Variants in SLIT1 observed in about 807,000 individuals in gnomAD.
SLIT1 encodes slit guidance ligand 1.
SLIT1 carries 66 observed loss-of-function variants against 186.1 expected under a neutral mutation model. The observed-to-expected ratio is 0.35, with a 90% CI of 0.29 to 0.44. SLIT1 has a LOEUF of 0.44. SLIT1 is among the 20% of genes least tolerant of loss of function. SLIT1 has a pLI of 1.00. For synonymous variants in SLIT1, 761 were observed against 833.8 expected (o/e 0.91, Z 1.50); for missense variants, 1,638 against 2,037.4 (o/e 0.80, Z 3.77).
At chr10:97,056,204 G>A in intron 13 of SLIT1, 117 bp downstream of exon 13, 1 of 1,146,062 alleles carries the variant, frequency 8.7e-7, no homozygotes, top group Non-Finnish European at 1.2e-6. Context: ...TCTGTAAGAG[G>A]CCACCCCCAG....
intron 1 of SLIT1, among the ~76,000 whole-genome samples, chr10:97,182,273 T>C (rs1850348739): frequency 6.6e-6 from 1 of 152,136 alleles, no homozygotes; most frequent in Admixed American, 6.5e-5. Flanking sequence ...CCCAGAGTTA[T>C]AGAATATATG....
At position 97,056,322 on chromosome 10, in the gene SLIT1, G is replaced by A; in HGVS notation, c.1300C>T (p.Leu434=). 1.2e-6 allele frequency: 2 copies of A among 1,614,138 alleles called. No individual in the cohort carries two copies. The highest frequency in any genetic ancestry group is 2.2e-5 in the East Asian group (1 of 44,890). Residue 434 remains leucine (L), a splice_region_variant and synonymous_variant, in exon 13 of 37, where the codon CTG becomes TTG. Coordinates refer to ENST00000266058, the MANE Select transcript of SLIT1 (RefSeq NM_003061.3). ...AGAAGAAGGCATCAGGGCACTCACAGAGTCTGGATGGCCCGCAGGGAGGTG... is the reference window on the plus strand; with the variant it reads ...AGAAGAAGGCATCAGGGCACTCACAAAGTCTGGATGGCCCGCAGGGAGGTG... The part of the protein sequence containing the change: ...TFTSLRAIQT[L]HLAQNPFICD...
intron 4 of SLIT1, among the ~76,000 whole-genome samples, chr10:97,129,320 T>G (rs1849632024): frequency 6.6e-6 from 1 of 151,418 alleles, no homozygotes; most frequent in African/African-American, 2.4e-5. Flanking sequence ...GAGAATCACT[T>G]GAACCTCTGG....
At chr10:97,064,019 A>G (rs907826388) in intron 7 of SLIT1, 149 bp downstream of exon 7, 3 of 676,304 alleles carry the variant, frequency 4.4e-6, no homozygotes, top group African/African-American at 1.8e-5. Flanking sequence ...CTCCGAGAGC[A>G]TGAAGCCCCC....
intron 1 of SLIT1, among the ~76,000 whole-genome samples, chr10:97,172,880 C>A (rs1403336546): frequency 6.7e-6 from 1 of 149,728 alleles, no homozygotes; most frequent in Non-Finnish European, 1.5e-5. Context: ...GGCAAGAGAG[C>A]AAGACCCTGT....
intron 4 of SLIT1, among the ~76,000 whole-genome samples, chr10:97,111,500 G>C (rs72821721): frequency 1.3e-5 from 2 of 152,088 alleles, no homozygotes; most frequent in Non-Finnish European, 2.9e-5. Context: ...AGCTGCTCCC[G>C]CCGCGGAGAA....
At chr10:97,032,570 C>CA (rs377278794) in intron 23 of SLIT1, among the ~76,000 whole-genome samples, 15,132 of 120,698 alleles carry the variant, frequency 0.13, 984 homozygotes, top group Non-Finnish European at 0.17. Context: ...CTCCCCATCT[C>CA]AAAAAAAAAA....
chr10:97,088,224 G>A (rs756831240), intron 4 of SLIT1, among the ~76,000 whole-genome samples: 10 of 152,070 alleles, frequency 6.6e-5, no homozygotes, highest in Admixed American at 1.3e-4. Flanking sequence ...CATTCTACAC[G>A]TATGATCTCT....
rs1848747306 is a variant in SLIT1 at position 97,047,762 on chromosome 10, G to A, written c.1562C>T (p.Ala521Val). 1 of 1,614,074 alleles carries A rather than the reference G, an allele frequency of 6.2e-7. No homozygotes were observed. Among genetic ancestry groups the A allele is most frequent in the Non-Finnish European group, 8.5e-7 (1 of 1,180,010 alleles). The change falls in exon 16 of 37, where the codon GCC becomes GTC. Residue 521 changes from alanine (A) to valine (V), a missense_variant. This residue lies in a region of SLIT1 where 1,245 missense variants were observed against 1,535.3 expected (regional missense o/e 0.81). Transcript: ENST00000266058. ...CAGGCTGGAGCACTCCACCACGTTG[G>A]CCTCACAGCGGCACTTGTGGGGACA... ...VVCPHKCRCE[A>V]NVVECSSLKL...
intron 4 of SLIT1, among the ~76,000 whole-genome samples, chr10:97,123,153 C>T (rs911289059): frequency 5.9e-5 from 9 of 152,210 alleles, no homozygotes; most frequent in Non-Finnish European, 8.8e-5. Flanking sequence ...AGTTGCCGCA[C>T]GTCACAGATC....
At chr10:97,145,649 C>G (rs372884038) in intron 4 of SLIT1, among the ~76,000 whole-genome samples, 19 of 152,308 alleles carry the variant, frequency 1.2e-4, no homozygotes, top group African/African-American at 4.3e-4. Flanking sequence ...CCCGAGAAGA[C>G]TGAGGGAAAA....
chr10:97,181,354 T>C (rs572541715), intron 1 of SLIT1, among the ~76,000 whole-genome samples: 1 of 152,344 alleles, frequency 6.6e-6, no homozygotes, highest in Non-Finnish European at 1.5e-5. Flanking sequence ...CCAATTATTA[T>C]TTGGAATTTC....
intron 4 of SLIT1, among the ~76,000 whole-genome samples, chr10:97,096,582 A>G (rs559399590): frequency 1.4e-3 from 210 of 152,320 alleles, no homozygotes; most frequent in African/African-American, 5.0e-3. Context: ...GAGCCCGAGC[A>G]GGAGGGGCCA....
intron 26 of SLIT1, among the ~76,000 whole-genome samples, chr10:97,019,377 G>A (rs180840620): frequency 4.3e-4 from 66 of 152,300 alleles, no homozygotes; most frequent in Non-Finnish European, 4.6e-4. Flanking sequence ...GCAGGCAGGC[G>A]GGCGGGCACT....
At chr10:97,098,601 C>T (rs568055505) in intron 4 of SLIT1, among the ~76,000 whole-genome samples, 10 of 152,296 alleles carry the variant, frequency 6.6e-5, no homozygotes, top group African/African-American at 2.2e-4. Context: ...TGGGCAGGTG[C>T]CCAAGGCCTT....
chr10:97,008,393 T>C (rs902025715), intron 31 of SLIT1, among the ~76,000 whole-genome samples: 1 of 152,186 alleles, frequency 6.6e-6, no homozygotes, highest in African/African-American at 2.4e-5. Flanking sequence ...ATGCTTAATA[T>C]TGTTAAAATG....
chr10:97,004,723 G>T lies in SLIT1; in HGVS notation c.3680C>A (p.Pro1227Gln). The part of the protein sequence containing the change: ...YQGHVRVSYD[P>Q]GSYPSSAIYS... Reference sequence around the variant, plus strand: ...GATGGCAGAGCTGGGGTAGCTGCCTGGGTCGTAGCTGACACGCACATGGCC... The same window carrying T: ...GATGGCAGAGCTGGGGTAGCTGCCTTGGTCGTAGCTGACACGCACATGGCC... Residue 1227 changes from proline to glutamine, a missense_variant, in exon 33 of 37, where the codon CCA becomes CAA. Pro to Gln is a moderately conservative substitution (Grantham distance 76). Transcript: ENST00000266058. The surrounding 1 kb of genome is among the most constrained non-coding windows in gnomAD (Gnocchi z 5.1). The T allele has an allele frequency of 6.2e-7, 1 of 1,614,178 alleles. No homozygotes were observed. The highest frequency in any genetic ancestry group is 8.5e-7 in the Non-Finnish European group (1 of 1,180,014).
rs761823569 is a variant in SLIT1 at position 97,060,798 on chromosome 10, A to C, written c.794-11T>G. On this transcript the variant is annotated splice_polypyrimidine_tract_variant and intron_variant, in intron 8 of 36. Coordinates refer to ENST00000266058, the MANE Select transcript of SLIT1 (RefSeq NM_003061.3). ...CCGCTTCTCCCTGGCCTGCAGAAAC[A>C]GGGGGGTGTGGCCTCAGGCTGTCAT... The C allele has an allele frequency of 1.9e-6, 3 of 1,581,418 alleles. No homozygotes were observed. Among genetic ancestry groups the C allele is most frequent in the Non-Finnish European group, 2.6e-6 (3 of 1,163,754 alleles).
intron 1 of SLIT1, among the ~76,000 whole-genome samples, chr10:97,165,704 TG>T (rs1347713183): frequency 6.6e-6 from 1 of 151,950 alleles, no homozygotes; most frequent in Non-Finnish European, 1.5e-5. Context: ...GTCAGGAGGA[TG>T]GGGGGCCTGA....
Sources: allele counts gnomAD v4.1 joint callset (sites outside exome capture counted in the v4.1 genomes callset), GRCh38; gene constraint gnomAD v4.1.1; regional missense constraint gnomAD v4.1.1; non-coding constraint Gnocchi (gnomAD v3.1); transcripts MANE v1.5; gene names NCBI Gene and HGNC (gene_info 2026-07-23, HGNC 2026-07-21).